The following KIF2C variants were observed in gnomAD, a reference collection of about 807,000 sequenced individuals.
The protein encoded by KIF2C is kinesin-like protein KIF2C.
Under a neutral mutation model 97.4 loss-of-function variants are expected in KIF2C, and 34 were observed. That is an observed-to-expected ratio of 0.35 (90% CI 0.27 to 0.46). The LOEUF is 0.46. Ranked by LOEUF, KIF2C falls within the 20% of genes least tolerant of loss-of-function variation. The pLI, the probability that KIF2C is intolerant of heterozygous loss-of-function variation, is 1.00. For missense variants in KIF2C, 750 were observed against 907.6 expected (o/e 0.83, Z 2.23); for synonymous variants, 313 against 318.2 (o/e 0.98, Z 0.17).
At chr1:44,759,389 C>T in intron 14 of KIF2C, 41 bp downstream of exon 14, 1 of 1,610,174 alleles carries the variant, frequency 6.2e-7, no homozygotes, top group Non-Finnish European at 8.5e-7. Flanking sequence ...CTTCTCATGT[C>T]TGGTTTATGA....
chr1:44,748,335 G>T (rs1315640514), intron 4 of KIF2C, among the ~76,000 whole-genome samples: 1 of 152,162 alleles, frequency 6.6e-6, no homozygotes, highest in East Asian at 1.9e-4. Context: ...AAATGATTCA[G>T]CTACCTCAGG....
intron 13 of KIF2C, 86 bp from the exon 14 acceptor site, chr1:44,759,120 G>C: frequency 5.1e-6 from 8 of 1,557,426 alleles, no homozygotes; most frequent in Non-Finnish European, 7.0e-6. Context: ...GCTCTTGTCC[G>C]AGCTGGGCAG....
At position 44,753,423 on chromosome 1, in the gene KIF2C, G is replaced by C. The variant is rs112124221; in HGVS notation, c.562+169G>C. On this transcript the variant is annotated intron_variant, in intron 6 of 20. Transcript: ENST00000372224. Reference sequence around the variant, plus strand: ...GTCTTTCATTATCAAGACAAAACAAGAACTGTTTCACTTCTGTGGTTGTTG... The same window carrying C: ...GTCTTTCATTATCAAGACAAAACAACAACTGTTTCACTTCTGTGGTTGTTG... Among the ~76,000 whole-genome samples the C allele has an allele frequency of 3.6e-3, 547 of 152,308 alleles. 3 individuals carry two copies. Among genetic ancestry groups the C allele is most frequent in the African/African-American group, 0.012 (519 of 41,560 alleles).
In KIF2C at chr1:44,762,347, G is replaced by A; in HGVS notation, c.1753G>A (p.Val585Ile). The change falls in exon 18 of 21, where the codon GTC becomes ATC. Residue 585 changes from valine (V) to isoleucine (I), a missense_variant and splice_region_variant. Coordinates refer to ENST00000372224, the MANE Select transcript of KIF2C (RefSeq NM_006845.4). ...TLNTLRYADR[V>I]KELSPHSGPS... is the part of the protein sequence containing the mutation. ...TCTGAGACCTCCTTGTTTCCTCAGGGTCAAGGAGCTGAGCCCCCACAGTGG... is the reference window on the plus strand; with the variant it reads ...TCTGAGACCTCCTTGTTTCCTCAGGATCAAGGAGCTGAGCCCCCACAGTGG... 6.2e-7 allele frequency: 1 copy of A among 1,612,558 alleles called. No homozygotes were observed. Among genetic ancestry groups the A allele is most frequent in the Non-Finnish European group, 8.5e-7 (1 of 1,178,578 alleles).
chr1:44,762,186 G>C (rs1014503085), intron 17 of KIF2C, 160 bp from the exon 18 acceptor site: 2 of 860,272 alleles, frequency 2.3e-6, no homozygotes, highest in Non-Finnish European at 4.0e-6. Flanking sequence ...TGGGTGAGGG[G>C]CTTTTCCAGT....
intron 1 of KIF2C, among the ~76,000 whole-genome samples, chr1:44,740,212 C>T (rs1176432589): frequency 6.6e-6 from 1 of 152,184 alleles, no homozygotes; most frequent in Non-Finnish European, 1.5e-5. Flanking sequence ...CTTTCGCAGT[C>T]CTCTGGGAGT....
At chr1:44,747,235 G>A (rs992595250) in intron 2 of KIF2C, 149 bp from the exon 3 acceptor site, 10 of 645,822 alleles carry the variant, frequency 1.5e-5, no homozygotes, top group Admixed American at 3.1e-5. Flanking sequence ...TTGGACCCAG[G>A]AGGCAGAGGT....
intron 6 of KIF2C, 30 bp from the exon 7 acceptor site, chr1:44,753,700 CTTT>C (rs746294278): frequency 1.4e-6 from 2 of 1,439,070 alleles, no homozygotes; most frequent in East Asian, 2.3e-5. Context: ...AGTGGGCTTC[CTTT>C]TTTTTTCTTT....
At chr1:44,762,696 A>AC in intron 19 of KIF2C, 38 bp downstream of exon 19, 2 of 1,369,344 alleles carry the variant, frequency 1.5e-6, no homozygotes, top group Non-Finnish European at 2.1e-6. Flanking sequence ...TGGATGCAGC[A>AC]CGGCCCTCAG....
chr1:44,739,944 C>G lies in KIF2C; in HGVS notation c.12C>G (p.Asp4Glu). MAM[D>E]SSLQARLFPG... Reference sequence around the variant, plus strand: ...TGCTGACTCTCCGAATGGCCATGGACTCGTCGCTTCAGGCCCGCCTGTTTC... The same window carrying G: ...TGCTGACTCTCCGAATGGCCATGGAGTCGTCGCTTCAGGCCCGCCTGTTTC... The change falls in exon 1 of 21, where the codon GAC (aspartate) becomes GAG (glutamate). Residue 4 changes from aspartate to glutamate, a missense_variant. Coordinates refer to ENST00000372224, the MANE Select transcript of KIF2C (RefSeq NM_006845.4). 8 of 1,614,216 alleles carry G rather than the reference C, an allele frequency of 5.0e-6. No individual in the cohort carries two copies. Among genetic ancestry groups the G allele is most frequent in the Non-Finnish European group, 6.8e-6 (8 of 1,180,022 alleles).
chr1:44,746,902 GTTTT>G, intron 2 of KIF2C: 2 of 905,300 alleles, frequency 2.2e-6, no homozygotes, highest in Non-Finnish European at 1.6e-6. Context: ...TTGTTTGTTT[GTTTT>G]TTGTTTTTTG....
chr1:44,764,300 T>G (rs533001939), intron 19 of KIF2C, among the ~76,000 whole-genome samples: 17 of 146,350 alleles, frequency 1.2e-4, no homozygotes, highest in African/African-American at 3.9e-4. Flanking sequence ...CTCAGCCTCC[T>G]GCGTACCTGG....
Position 44,760,619 on chromosome 1 carries a change from A to G in KIF2C, c.1600A>G (p.Lys534Glu), listed in dbSNP as rs774649686. 1.2e-5 allele frequency: 20 copies of G among 1,614,044 alleles called. No homozygotes were observed. Among genetic ancestry groups the G allele is most frequent in the Non-Finnish European group, 1.6e-5 (19 of 1,180,036 alleles). The change falls in exon 16 of 21, where the codon AAG (lysine) becomes GAG (glutamate). Residue 534 changes from lysine (K) to glutamate (E), a missense_variant. By Grantham distance (56) the Lys-to-Glu change is moderately conservative. Coordinates refer to ENST00000372224, the MANE Select transcript of KIF2C (RefSeq NM_006845.4). The surrounding 1 kb of genome is among the most constrained non-coding windows in gnomAD (Gnocchi z 4.2). ...GTGCATCAGGGCCCTGGGACAGAAC[A>G]AGGCTCACACCCCGTTCCGTGAGAG... Reference protein sequence around the residue: ...KECIRALGQNKAHTPFRESKL... With the variant: ...KECIRALGQNEAHTPFRESKL...
chr1:44,754,192 A>AT (rs376399119), intron 7 of KIF2C, among the ~76,000 whole-genome samples: 1 of 151,862 alleles, frequency 6.6e-6, no homozygotes, highest in African/African-American at 2.4e-5. Context: ...AAGTGCTGGG[A>AT]TTGTAGGCAT....
At chr1:44,743,691 C>T (rs1170972494) in intron 2 of KIF2C, among the ~76,000 whole-genome samples, 1 of 152,136 alleles carries the variant, frequency 6.6e-6, no homozygotes, top group East Asian at 1.9e-4. Flanking sequence ...ACTCCAGAGG[C>T]TAAGGCAGGA....
chr1:44,743,614 A>G (rs1649040424), intron 2 of KIF2C, among the ~76,000 whole-genome samples: 1 of 152,010 alleles, frequency 6.6e-6, no homozygotes, highest in Admixed American at 6.6e-5. Flanking sequence ...ATACAGCAAG[A>G]CCTCATCTCT....
At chr1:44,751,811 CTT>C (rs1557593575) in intron 5 of KIF2C, among the ~76,000 whole-genome samples, 1 of 112,436 alleles carries the variant, frequency 8.9e-6, no homozygotes, top group African/African-American at 3.4e-5. Context: ...ACCCGGCCCT[CTT>C]TTTATACCTT....
At chr1:44,764,524 G>C (rs548513152) in intron 19 of KIF2C, among the ~76,000 whole-genome samples, 189 of 149,190 alleles carry the variant, frequency 1.3e-3, no homozygotes, top group African/African-American at 4.4e-3. Context: ...TTTGTTTTGG[G>C]GGGGGATGGA....
chr1:44,747,286 C>T lies in KIF2C; in HGVS notation c.166-98C>T, dbSNP rs1214881305. The T allele has an allele frequency of 3.8e-5, 37 of 978,386 alleles. No homozygotes were observed. In the South Asian group the frequency reaches 4.2e-4, roughly 11 times the overall value. The allele number at this position is 978,386 out of a possible 1,614,324, so 60.6% of individuals were successfully genotyped here. On this transcript the variant is annotated intron_variant, in intron 2 of 20. Transcript: ENST00000372224. ...TCGCACCACTGCCCTCCAGCCTGGGCGACAGAGCGATACTCTGTCTCAAAA... is the reference window on the plus strand; with the variant it reads ...TCGCACCACTGCCCTCCAGCCTGGGTGACAGAGCGATACTCTGTCTCAAAA...
Sources: allele counts gnomAD v4.1 joint callset (sites outside exome capture counted in the v4.1 genomes callset), GRCh38; gene constraint gnomAD v4.1.1; non-coding constraint Gnocchi (gnomAD v3.1); transcripts MANE v1.5; gene names NCBI Gene and HGNC (gene_info 2026-07-23, HGNC 2026-07-21).